Variants in LRP1B observed in about 807,000 individuals in gnomAD.
LRP1B encodes low-density lipoprotein receptor-related protein 1B.
In LRP1B, 217 loss-of-function variants were observed where a neutral mutation model predicts 556.6. The ratio of observed to expected loss-of-function variants is 0.39; its 90% CI spans 0.35 to 0.44. The LOEUF (loss-of-function observed/expected upper bound fraction) is 0.44, where lower values mean the gene tolerates loss of function less well. Among genes scored for constraint, LRP1B ranks in the 20% least tolerant of loss-of-function variants. LRP1B has a pLI of 1.00. For synonymous variants in LRP1B, 2,047 were observed against 1,865.8 expected (o/e 1.10, Z -2.50); for missense variants, 5,053 against 5,620.8 (o/e 0.90, Z 3.23).
chr2:140,639,562 G>A (rs1434780049), intron 41 of LRP1B, among the ~76,000 whole-genome samples: 1 of 152,168 alleles, frequency 6.6e-6, no homozygotes, highest in Non-Finnish European at 1.5e-5. Flanking sequence ...TATCTGCACA[G>A]TACTTGCTGC....
intron 77 of LRP1B, among the ~76,000 whole-genome samples, chr2:140,344,362 G>A (rs1020434734): frequency 2.6e-5 from 4 of 151,808 alleles, no homozygotes; most frequent in African/African-American, 4.8e-5. Flanking sequence ...ACATAAAGTA[G>A]CCAACTCTTG....
At chr2:142,021,111 G>A (rs1370794880) in intron 1 of LRP1B, among the ~76,000 whole-genome samples, 1 of 152,102 alleles carries the variant, frequency 6.6e-6, no homozygotes, top group Non-Finnish European at 1.5e-5. Flanking sequence ...GAAAACATAT[G>A]TTCTCCCTTA....
chr2:141,836,371 A>T (rs758262004), intron 1 of LRP1B, among the ~76,000 whole-genome samples: 4 of 152,044 alleles, frequency 2.6e-5, no homozygotes, highest in African/African-American at 9.7e-5. Context: ...CTTTTCCACC[A>T]TATAAAAATA....
chr2:142,130,560 TA>T, intron 1 of LRP1B, 87 bp downstream of exon 1: 1 of 1,153,774 alleles, frequency 8.7e-7, no homozygotes, highest in African/African-American at 1.6e-5. Flanking sequence ...TGCAAGGACT[TA>T]AGTTTCACAC....
intron 2 of LRP1B, among the ~76,000 whole-genome samples, chr2:141,574,825 G>A (rs1269832910): frequency 2.0e-5 from 3 of 151,694 alleles, no homozygotes; most frequent in Non-Finnish European, 4.4e-5. Flanking sequence ...GCAAGCAGAG[G>A]GCCAAATCAT....
At chr2:141,722,980 T>A (rs1692891512) in intron 2 of LRP1B, among the ~76,000 whole-genome samples, 1 of 152,204 alleles carries the variant, frequency 6.6e-6, no homozygotes, top group Non-Finnish European at 1.5e-5. Flanking sequence ...CTTGCGTGTT[T>A]TTGCCAGTAT....
chr2:140,958,038 A>T (rs536045083), intron 18 of LRP1B, among the ~76,000 whole-genome samples: 1 of 151,684 alleles, frequency 6.6e-6, no homozygotes, highest in Non-Finnish European at 1.5e-5. Flanking sequence ...AGGCCATGTA[A>T]TAATATTTCA....
At position 141,799,808 on chromosome 2, in the gene LRP1B, C is replaced by CTGTG. The variant is rs145191262; in HGVS notation, c.205+10467_205+10470dup. ...AACAATCTGTTTTTAAAGAGTGTGT[C>CTGTG]TGTGTGTGTGTGTGTGTGTGTGTAT... On this transcript the variant is annotated intron_variant, in intron 2 of 90. Coordinates refer to ENST00000389484, the MANE Select transcript of LRP1B (RefSeq NM_018557.3). Among the ~76,000 whole-genome samples, 687 of 147,722 alleles carry CTGTG rather than the reference C, an allele frequency of 4.7e-3. 4 individuals carry two copies. Among genetic ancestry groups the CTGTG allele is most frequent in the African/African-American group, 0.016 (640 of 39,468 alleles).
intron 9 of LRP1B, among the ~76,000 whole-genome samples, chr2:141,057,534 T>C (rs1699212159): frequency 6.6e-6 from 1 of 151,836 alleles, no homozygotes; most frequent in Non-Finnish European, 1.5e-5. Flanking sequence ...AGGAGGTAAT[T>C]GAATCATGGG....
chr2:140,291,715 G>A (rs1241503036), intron 84 of LRP1B, among the ~76,000 whole-genome samples: 1 of 151,960 alleles, frequency 6.6e-6, no homozygotes, highest in Non-Finnish European at 1.5e-5. Context: ...ATCATTGTTG[G>A]TCATTTGGGT....
chr2:140,632,032 A>G (rs763533270), intron 41 of LRP1B, among the ~76,000 whole-genome samples: 1 of 152,160 alleles, frequency 6.6e-6, no homozygotes, highest in Non-Finnish European at 1.5e-5. Flanking sequence ...AAACTCATCA[A>G]TTTAGAATTC....
At chr2:141,885,304 G>A (rs1438293744) in intron 1 of LRP1B, among the ~76,000 whole-genome samples, 1 of 152,158 alleles carries the variant, frequency 6.6e-6, no homozygotes, top group Non-Finnish European at 1.5e-5. Flanking sequence ...AGCTGCTGAT[G>A]TAGGAATTGC....
intron 62 of LRP1B, among the ~76,000 whole-genome samples, chr2:140,455,276 G>A (rs1687049392): frequency 6.6e-6 from 1 of 152,048 alleles, no homozygotes; most frequent in Non-Finnish European, 1.5e-5. Context: ...AGAGTCTGTG[G>A]CTTGTGCTTT....
At chr2:141,144,399 C>A (rs911208779) in intron 7 of LRP1B, among the ~76,000 whole-genome samples, 1 of 152,146 alleles carries the variant, frequency 6.6e-6, no homozygotes, top group South Asian at 2.1e-4. Context: ...GACATATCCA[C>A]AAAATAAGAG....
At chr2:140,342,296 C>G (rs192088495) in intron 77 of LRP1B, among the ~76,000 whole-genome samples, 29 of 150,782 alleles carry the variant, frequency 1.9e-4, no homozygotes, top group African/African-American at 7.0e-4. Context: ...CCATGTATTT[C>G]TTACTATGGT....
At chr2:141,325,918 T>A (rs762418424) in intron 3 of LRP1B, among the ~76,000 whole-genome samples, 1 of 152,146 alleles carries the variant, frequency 6.6e-6, no homozygotes, top group Non-Finnish European at 1.5e-5. Context: ...TATATGTTTA[T>A]AATATTTTAT....
At chr2:141,971,634 AT>A (rs1701734596) in intron 1 of LRP1B, among the ~76,000 whole-genome samples, 1 of 151,592 alleles carries the variant, frequency 6.6e-6, no homozygotes, top group African/African-American at 2.4e-5. Context: ...GATGATTTAT[AT>A]TGCAGAGAGA....
chr2:141,913,013 C>A (rs946621605), intron 1 of LRP1B, among the ~76,000 whole-genome samples: 1 of 152,092 alleles, frequency 6.6e-6, no homozygotes, highest in Non-Finnish European at 1.5e-5. Context: ...CTTGATCTAT[C>A]TTAATGTCAA....
intron 41 of LRP1B, among the ~76,000 whole-genome samples, chr2:140,667,724 T>C (rs1559043056): frequency 6.6e-6 from 1 of 152,230 alleles, no homozygotes. Context: ...TCTCTTTGTC[T>C]GAGTCTCAGA....
Sources: gnomAD v4.1 joint callset for allele counts (sites outside exome capture counted in the v4.1 genomes callset) on GRCh38, gnomAD v4.1.1 for gene constraint, MANE v1.5 for transcripts, NCBI Gene and HGNC (gene_info 2026-07-23, HGNC 2026-07-21) for gene names.